The following SPATS2L variants were observed in gnomAD, a reference collection of about 807,000 sequenced individuals.
SPATS2L encodes the protein spermatogenesis associated serine rich 2 like.
SPATS2L carries 30 observed loss-of-function variants against 59.6 expected under a neutral mutation model. The ratio of observed to expected loss-of-function variants is 0.50; its 90% CI spans 0.38 to 0.68. The LOEUF is 0.68. Ranked by LOEUF, SPATS2L falls within the 30% of genes least tolerant of loss-of-function variation. SPATS2L has a pLI of 0.00. For synonymous variants in SPATS2L, 252 were observed against 263.5 expected (o/e 0.96, Z 0.42); for missense variants, 615 against 700.0 (o/e 0.88, Z 1.37).
intron 2 of SPATS2L, among the ~76,000 whole-genome samples, chr2:200,349,330 T>C (rs1052185095): frequency 1.3e-5 from 2 of 152,116 alleles, no homozygotes; most frequent in African/African-American, 4.8e-5. Flanking sequence ...ACTCACAGGC[T>C]ACATCAAGAG....
intron 2 of SPATS2L, among the ~76,000 whole-genome samples, chr2:200,380,719 C>T (rs1348169364): frequency 1.3e-5 from 2 of 152,214 alleles, no homozygotes; most frequent in East Asian, 3.8e-4. Context: ...TTTTTTCTGA[C>T]ATTTGCCCTT....
chr2:200,349,094 G>A (rs892098452), intron 2 of SPATS2L, among the ~76,000 whole-genome samples: 1 of 152,144 alleles, frequency 6.6e-6, no homozygotes. Flanking sequence ...TGGTGTTATT[G>A]CATCACATCT....
At chr2:200,421,924 T>G (rs1424741872) in intron 6 of SPATS2L, among the ~76,000 whole-genome samples, 1 of 152,244 alleles carries the variant, frequency 6.6e-6, no homozygotes, top group Non-Finnish European at 1.5e-5. Flanking sequence ...TTTTTTCATT[T>G]ACTTATAATT....
chr2:200,386,245 G>C (rs1364233800), intron 2 of SPATS2L, among the ~76,000 whole-genome samples: 2 of 152,102 alleles, frequency 1.3e-5, no homozygotes, highest in African/African-American at 4.8e-5. Flanking sequence ...AAATGGGCAA[G>C]GAATGGGTCC....
At chr2:200,356,521 CT>C (rs1051371260) in intron 2 of SPATS2L, among the ~76,000 whole-genome samples, 1 of 151,980 alleles carries the variant, frequency 6.6e-6, no homozygotes, top group South Asian at 2.1e-4. Flanking sequence ...ACAAACATTG[CT>C]TTTTTTTCTC....
At chr2:200,310,741 T>C (rs1272554900) in intron 1 of SPATS2L, among the ~76,000 whole-genome samples, 1 of 152,242 alleles carries the variant, frequency 6.6e-6, no homozygotes, top group African/African-American at 2.4e-5. Flanking sequence ...AACATGAACC[T>C]TCTGTTCCTA....
chr2:200,387,656 C>G (rs1007231437), intron 2 of SPATS2L, among the ~76,000 whole-genome samples: 6 of 152,178 alleles, frequency 3.9e-5, no homozygotes, highest in Middle Eastern at 3.4e-3. Context: ...TGCAAGTTAT[C>G]CCTAGCATGT....
intron 3 of SPATS2L, among the ~76,000 whole-genome samples, chr2:200,396,254 C>T (rs751225501): frequency 4.6e-5 from 7 of 151,318 alleles, no homozygotes; most frequent in East Asian, 3.9e-4. Flanking sequence ...CGCTGAGCTG[C>T]GCCACTCACT....
At chr2:200,428,250 G>A (rs1020290505) in intron 6 of SPATS2L, among the ~76,000 whole-genome samples, 30 of 152,192 alleles carry the variant, frequency 2.0e-4, no homozygotes, top group African/African-American at 7.2e-4. Flanking sequence ...GCTGTTATAG[G>A]TAAGTTTAGC....
chr2:200,373,688 G>A (rs1390221511), intron 2 of SPATS2L, among the ~76,000 whole-genome samples: 2 of 152,106 alleles, frequency 1.3e-5, no homozygotes, highest in African/African-American at 2.4e-5. Flanking sequence ...TATAATTTAT[G>A]AGTTACTTTC....
At chr2:200,362,658 A>G (rs2081145424) in intron 2 of SPATS2L, among the ~76,000 whole-genome samples, 2 of 152,196 alleles carry the variant, frequency 1.3e-5, no homozygotes. Context: ...GCGATTGTGC[A>G]CCCAGGTAGA....
chr2:200,392,475 A>T (rs2082201550), intron 3 of SPATS2L, among the ~76,000 whole-genome samples: 5 of 152,166 alleles, frequency 3.3e-5, no homozygotes, highest in Admixed American at 3.3e-4. Context: ...ATCCTTTGTA[A>T]TAAACGAGTA....
chr2:200,467,500 T>A, intron 10 of SPATS2L, 101 bp downstream of exon 10: 2 of 773,958 alleles, frequency 2.6e-6, no homozygotes. Flanking sequence ...GGATCTAACA[T>A]GTACACCCAG....
chr2:200,379,610 T>G (rs1391021114), intron 2 of SPATS2L, among the ~76,000 whole-genome samples: 1 of 152,182 alleles, frequency 6.6e-6, no homozygotes, highest in Non-Finnish European at 1.5e-5. Flanking sequence ...GGTAAAGTAC[T>G]TGGGGCTCTG....
intron 1 of SPATS2L, among the ~76,000 whole-genome samples, chr2:200,308,234 A>AC (rs1291826144): frequency 2.0e-5 from 1 of 51,088 alleles, no homozygotes; most frequent in Non-Finnish European, 4.2e-5. Flanking sequence ...AAATCTCTTC[A>AC]CTCTGAAAAA....
intron 6 of SPATS2L, among the ~76,000 whole-genome samples, chr2:200,426,028 T>A (rs2083554599): frequency 6.6e-6 from 1 of 151,824 alleles, no homozygotes; most frequent in African/African-American, 2.4e-5. Context: ...TTATCTAAAC[T>A]TTTATTAAGT....
At chr2:200,369,013 A>C (rs2081343665) in intron 2 of SPATS2L, among the ~76,000 whole-genome samples, 1 of 151,660 alleles carries the variant, frequency 6.6e-6, no homozygotes, top group Non-Finnish European at 1.5e-5. Flanking sequence ...TTACACATAC[A>C]CATGTACTCC....
Position 200,322,910 on chromosome 2 carries a change from T to C in SPATS2L, c.-72-6521T>C, listed in dbSNP as rs560878877. Among the ~76,000 whole-genome samples, 8 of 152,344 alleles carry C rather than the reference T, an allele frequency of 5.3e-5. No individual in the cohort carries two copies. The South Asian group carries it at 1.7e-3, about 32-fold the overall frequency. Reference sequence around the variant, plus strand: ...TGTTGTCTAGTCAAGAAAGCTATCTTTGGTTTTTGAGATCTCGAATTTTTA... The same window carrying C: ...TGTTGTCTAGTCAAGAAAGCTATCTCTGGTTTTTGAGATCTCGAATTTTTA... On this transcript the variant is annotated intron_variant, in intron 1 of 12. Transcript: ENST00000409140.
At chr2:200,315,550 C>G (rs2079343418) in intron 1 of SPATS2L, among the ~76,000 whole-genome samples, 1 of 152,140 alleles carries the variant, frequency 6.6e-6, no homozygotes, top group Non-Finnish European at 1.5e-5. Flanking sequence ...GTCCCAACTC[C>G]CCTACTGTCT....
Sources: gnomAD v4.1 joint callset for allele counts (sites outside exome capture counted in the v4.1 genomes callset) on GRCh38, gnomAD v4.1.1 for gene constraint, MANE v1.5 for transcripts, NCBI Gene and HGNC (gene_info 2026-07-23, HGNC 2026-07-21) for gene names.